Variants in DOCK2 observed in about 807,000 individuals in gnomAD.
DOCK2 encodes dedicator of cytokinesis protein 2.
A neutral mutation model predicts 248.9 loss-of-function variants in DOCK2; 87 were observed. The observed-to-expected ratio is 0.35, with a 90% CI of 0.29 to 0.42. DOCK2 has a LOEUF of 0.42. Among genes scored for constraint, DOCK2 ranks in the 10% least tolerant of loss-of-function variants. The pLI, the probability that DOCK2 is intolerant of heterozygous loss-of-function variation, is 1.00. For synonymous variants in DOCK2, 805 were observed against 821.6 expected (o/e 0.98, Z 0.35); for missense variants, 1,747 against 2,300.2 (o/e 0.76, Z 4.92).
At chr5:169,997,706 T>A (rs187784017) in intron 30 of DOCK2, among the ~76,000 whole-genome samples, 25 of 149,856 alleles carry the variant, frequency 1.7e-4, no homozygotes, top group African/African-American at 5.9e-4. Context: ...GAGCACGGGG[T>A]TGGGGGTAAG....
Position 170,036,734 on chromosome 5 carries a change from C to A in DOCK2, c.3665+179C>A, listed in dbSNP as rs10051943. On this transcript the variant is annotated intron_variant, in intron 36 of 51. Transcript: ENST00000520908. ...TCAATTCCTTTCATTCTCCCACAGT[C>A]AGCCCCATAAAACCACGTGAAATCG... Among the ~76,000 whole-genome samples the A allele has an allele frequency of 0.015, 2,358 of 152,330 alleles. 58 individuals carry two copies. Among genetic ancestry groups the A allele is most frequent in the African/African-American group, 0.054 (2,227 of 41,566 alleles).
intron 32 of DOCK2, among the ~76,000 whole-genome samples, chr5:170,016,738 CGTG>C (rs1328416469): frequency 6.6e-6 from 1 of 152,204 alleles, no homozygotes; most frequent in African/African-American, 2.4e-5. Context: ...TTCTCCATTC[CGTG>C]GTGGCTTATC....
chr5:169,902,820 C>A (rs555612432), intron 27 of DOCK2, among the ~76,000 whole-genome samples: 19 of 152,074 alleles, frequency 1.2e-4, no homozygotes, highest in Admixed American at 9.2e-4. Flanking sequence ...AGGGGTGAGG[C>A]CAGGCGTGGT....
intron 1 of DOCK2, among the ~76,000 whole-genome samples, chr5:169,645,184 G>A (rs1015797762): frequency 6.6e-6 from 1 of 152,154 alleles, no homozygotes; most frequent in Non-Finnish European, 1.5e-5. Context: ...GGGCCAAATG[G>A]TATTTCTCGT....
chr5:169,984,548 G>A (rs937022443), intron 28 of DOCK2, among the ~76,000 whole-genome samples: 4 of 152,186 alleles, frequency 2.6e-5, no homozygotes, highest in African/African-American at 9.7e-5. Context: ...AAAGATTGCT[G>A]GAAAGGAACA....
chr5:170,072,936 C>T (rs1757727944), intron 46 of DOCK2, among the ~76,000 whole-genome samples: 1 of 152,058 alleles, frequency 6.6e-6, no homozygotes, highest in South Asian at 2.1e-4. Flanking sequence ...ATATGTATTG[C>T]AAATATCTTC....
chr5:169,705,207 G>T (rs929211990), intron 14 of DOCK2, among the ~76,000 whole-genome samples: 13 of 152,108 alleles, frequency 8.5e-5, no homozygotes, highest in Admixed American at 3.3e-4. Flanking sequence ...ACCTGGTATT[G>T]CAGTAAGTAC....
rs369233971 is a variant in DOCK2 at position 170,078,446 on chromosome 5, C to T, written c.4995-529C>T. Among the ~76,000 whole-genome samples, 200 of 152,288 alleles carry T rather than the reference C, an allele frequency of 1.3e-3. No homozygotes were observed. The Middle Eastern group carries it at 0.017, about 13-fold the overall frequency. On this transcript the variant is annotated intron_variant, in intron 48 of 51. Transcript: ENST00000520908. ...GCATCATTCACAATTCTAGGGGGCACCATTCACCCTGCCCAACTCATCTGT... is the reference window on the plus strand; with the variant it reads ...GCATCATTCACAATTCTAGGGGGCATCATTCACCCTGCCCAACTCATCTGT...
At chr5:170,075,615 C>A (rs1757812810) in intron 46 of DOCK2, 2 of 231,428 alleles carry the variant, frequency 8.6e-6, no homozygotes, top group South Asian at 7.8e-5. Context: ...CAGAGATTCC[C>A]CTCCTCTGAT....
chr5:169,930,836 T>C (rs1021681193), intron 27 of DOCK2, among the ~76,000 whole-genome samples: 4 of 152,178 alleles, frequency 2.6e-5, no homozygotes, highest in African/African-American at 9.7e-5. Context: ...CAGCTCTTCA[T>C]TGGGGGTTGC....
intron 6 of DOCK2, among the ~76,000 whole-genome samples, chr5:169,676,539 C>A (rs1581016372): frequency 6.6e-6 from 1 of 152,202 alleles, no homozygotes; most frequent in Admixed American, 6.5e-5. Flanking sequence ...ATTCACCTGA[C>A]TGCTTCAGCT....
At chr5:169,902,215 CA>C (rs1389522894) in intron 27 of DOCK2, among the ~76,000 whole-genome samples, 21 of 152,324 alleles carry the variant, frequency 1.4e-4, no homozygotes, top group African/African-American at 5.1e-4. Context: ...AACTCCCCTA[CA>C]AAAGAGCTGA....
intron 22 of DOCK2, among the ~76,000 whole-genome samples, chr5:169,728,670 G>A (rs1354120328): frequency 6.6e-6 from 1 of 152,170 alleles, no homozygotes; most frequent in African/African-American, 2.4e-5. Flanking sequence ...CTGGTCCAAA[G>A]GCCATCAGAG....
chr5:169,919,580 A>G lies in DOCK2; in HGVS notation c.2800-63488A>G, dbSNP rs1775061608. The stretch of plus-strand genomic sequence containing the variant: ...GATGTGGACATTAAACTGATCATTA[A>G]TGGTTTGAAGAAGTGGTAAGTGTAT... On this transcript the variant is annotated intron_variant, in intron 27 of 51. Transcript: ENST00000520908. 4.6e-5 allele frequency among the ~76,000 whole-genome samples: 7 copies of G among 152,156 alleles called. No individual in the cohort carries two copies. In the South Asian group the frequency reaches 1.5e-3, roughly 32 times the overall value.
chr5:170,065,953 G>GTTTTTTTTTTT (rs34658795), intron 44 of DOCK2, among the ~76,000 whole-genome samples: 2 of 133,398 alleles, frequency 1.5e-5, no homozygotes, highest in Non-Finnish European at 1.6e-5. Context: ...AATGAAAACT[G>GTTTTTTTTTTT]TTTTTTTTTT....
chr5:169,867,289 G>A (rs914018487), intron 27 of DOCK2, among the ~76,000 whole-genome samples: 2 of 152,178 alleles, frequency 1.3e-5, no homozygotes, highest in African/African-American at 4.8e-5. Context: ...GAGAAGGTCA[G>A]AGAAAGAGAC....
intron 25 of DOCK2, among the ~76,000 whole-genome samples, chr5:169,787,321 G>A (rs1012855403): frequency 6.6e-6 from 1 of 152,168 alleles, no homozygotes; most frequent in Non-Finnish European, 1.5e-5. Flanking sequence ...CTGACGGGCT[G>A]TGCATGGTAC....
intron 26 of DOCK2, among the ~76,000 whole-genome samples, chr5:169,804,105 A>G (rs907166029): frequency 6.6e-6 from 1 of 152,196 alleles, no homozygotes; most frequent in Non-Finnish European, 1.5e-5. Flanking sequence ...ATCCTCAGAG[A>G]AGAGCTTTCT....
intron 25 of DOCK2, among the ~76,000 whole-genome samples, chr5:169,791,012 T>C (rs963066860): frequency 3.3e-5 from 5 of 152,192 alleles, no homozygotes; most frequent in Admixed American, 2.6e-4. Context: ...CCCCAGCTGC[T>C]ACCACCTAGT....
Sources: allele counts gnomAD v4.1 joint callset (sites outside exome capture counted in the v4.1 genomes callset), GRCh38; gene constraint gnomAD v4.1.1; transcripts MANE v1.5; gene names NCBI Gene and HGNC (gene_info 2026-07-23, HGNC 2026-07-21).